The following HACE1 variants were observed in gnomAD, a reference collection of about 807,000 sequenced individuals.
HACE1 encodes the protein E3 ubiquitin-protein ligase HACE1.
A neutral mutation model predicts 118.4 loss-of-function variants in HACE1; 73 were observed. That is an observed-to-expected ratio of 0.62 (90% confidence interval 0.51 to 0.75). The LOEUF is 0.75. HACE1 is among the 30% of genes least tolerant of loss of function. The probability of loss-of-function intolerance (pLI) is 0.00; values close to 1 mark genes in which losing one functional copy is unlikely to be tolerated. For missense variants in HACE1, 749 were observed against 1,102.2 expected (o/e 0.68, Z 4.54); for synonymous variants, 368 against 374.8 (o/e 0.98, Z 0.21).
chr6:104,832,385 TTG>T (rs1420994651), intron 6 of HACE1, among the ~76,000 whole-genome samples: 19 of 45,092 alleles, frequency 4.2e-4, no homozygotes, highest in Non-Finnish European at 1.3e-3. Flanking sequence ...CTGTTTTTTG[TTG>T]TTGTTGTTGT....
Position 104,761,598 on chromosome 6 carries a change from C to T in HACE1, c.2211+9595G>A, listed in dbSNP as rs545441254. Among the ~76,000 whole-genome samples the T allele has an allele frequency of 2.0e-5, 3 of 152,158 alleles. No homozygotes were observed. In the South Asian group the frequency reaches 6.2e-4, roughly 32 times the overall value. ...AAGACCTAGGACCATAAAAATCCTG[C>T]AAGAAAACCTGGGCAATACCATTCA... On this transcript the variant is annotated intron_variant, in intron 19 of 23. Transcript: ENST00000262903.
At chr6:104,799,405 A>G (rs75570946) in intron 7 of HACE1, among the ~76,000 whole-genome samples, 8,371 of 152,284 alleles carry the variant, frequency 0.055, 237 homozygotes, top group South Asian at 0.077. Context: ...TTCCATATTC[A>G]GCCTACAAAA....
At chr6:104,759,764 T>C (rs1435503124) in intron 19 of HACE1, among the ~76,000 whole-genome samples, 3 of 152,088 alleles carry the variant, frequency 2.0e-5, no homozygotes, top group Non-Finnish European at 2.9e-5. Flanking sequence ...ATCCAGGAAC[T>C]AGTTTTTTGA....
rs71003447 is a variant in HACE1 at position 104,831,980 on chromosome 6, G to GAAGAGAAGAGAAGAGGAGGA, written c.534+1061_534+1062insTCCTCCTCTTCTCTTCTCTT. Among the ~76,000 whole-genome samples the GAAGAGAAGAGAAGAGGAGGA allele has an allele frequency of 7.3e-4, 46 of 62,928 alleles. 2 individuals are homozygous for GAAGAGAAGAGAAGAGGAGGA. Among genetic ancestry groups the GAAGAGAAGAGAAGAGGAGGA allele is most frequent in the Admixed American group, 2.5e-3 (14 of 5,528 alleles). The allele number at this position is 62,928 out of a possible 152,430, so 41.3% of individuals were successfully genotyped here. A position where few individuals can be genotyped will look rare whatever the true frequency, so the allele number is the denominator to read the frequency against. Reference sequence around the variant, plus strand: ...GAAGAGAAGAGAAGAGAAGAGAAGAGAGGAAGGAAGGAAGGAAGGAAGGAA... The same window carrying GAAGAGAAGAGAAGAGGAGGA: ...GAAGAGAAGAGAAGAGAAGAGAAGAGAAGAGAAGAGAAGAGGAGGAAGGAAGGAAGGAAGGAAGGAAGGAA... On this transcript the variant is annotated intron_variant, in intron 6 of 23. Coordinates refer to ENST00000262903, the MANE Select transcript of HACE1 (RefSeq NM_020771.4).
chr6:104,838,664 C>A (rs1306124828), intron 5 of HACE1, among the ~76,000 whole-genome samples: 1 of 151,814 alleles, frequency 6.6e-6, no homozygotes, highest in Admixed American at 6.6e-5. Context: ...GAGTAATACC[C>A]CTTGAGCAAA....
chr6:104,745,216 T>C (rs1042689044), intron 20 of HACE1, among the ~76,000 whole-genome samples: 1 of 152,196 alleles, frequency 6.6e-6, no homozygotes, highest in African/African-American at 2.4e-5. Context: ...AATGACTTGA[T>C]AGGTTTATTT....
chr6:104,847,644 G>A (rs371794502), intron 4 of HACE1, among the ~76,000 whole-genome samples: 53 of 152,006 alleles, frequency 3.5e-4, no homozygotes, highest in African/African-American at 1.2e-3. Context: ...ATTTGGCCTC[G>A]GATTGATGTA....
chr6:104,835,154 G>A (rs574528972), intron 5 of HACE1, among the ~76,000 whole-genome samples: 1 of 152,336 alleles, frequency 6.6e-6, no homozygotes, highest in South Asian at 2.1e-4. Context: ...ATCGACACTG[G>A]AAAGGTCTAA....
chr6:104,821,310 C>T (rs1461500327), intron 6 of HACE1, among the ~76,000 whole-genome samples: 1 of 151,882 alleles, frequency 6.6e-6, no homozygotes, highest in Admixed American at 6.6e-5. Context: ...TGTATCAAAC[C>T]TGTATTTGTA....
At position 104,811,392 on chromosome 6, in the gene HACE1, G is replaced by C. The variant is rs1458791297; in HGVS notation, c.536C>G (p.Thr179Arg). The C allele has an allele frequency of 7.0e-7, 1 of 1,425,554 alleles. No homozygotes were observed. The highest frequency in any genetic ancestry group is 9.9e-7 in the Non-Finnish European group (1 of 1,009,834). 88.3% of individuals were successfully genotyped at this position (1,425,554 alleles called of 1,614,324 possible). A position where few individuals can be genotyped will look rare whatever the true frequency, so the allele number is the denominator to read the frequency against. ...ACCACTGTCTAGCAAGCACTGCACT[G>C]TCTGAGGGGGAAAAAATAATTAAAA... Reference protein sequence around the residue: ...HVACQNGHKTTVQCLLDSGAD... With the variant: ...HVACQNGHKTRVQCLLDSGAD... The change falls in exon 7 of 24, where the codon ACA (threonine) becomes AGA (arginine). Residue 179 changes from threonine (T) to arginine (R), a missense_variant and splice_region_variant. This residue lies in a region of HACE1 where 267 missense variants were observed against 312.2 expected (regional missense o/e 0.86). Coordinates refer to ENST00000262903, the MANE Select transcript of HACE1 (RefSeq NM_020771.4).
chr6:104,794,308 T>C (rs1433523196), intron 10 of HACE1, among the ~76,000 whole-genome samples: 2 of 152,184 alleles, frequency 1.3e-5, no homozygotes, highest in Non-Finnish European at 2.9e-5. Context: ...GAAGTATATA[T>C]AATATGACAA....
chr6:104,847,438 C>T (rs1229948790), intron 4 of HACE1, among the ~76,000 whole-genome samples: 18 of 152,216 alleles, frequency 1.2e-4, no homozygotes, highest in Admixed American at 1.2e-3. Flanking sequence ...AGATATCTAA[C>T]ATGGCTAATT....
chr6:104,808,221 CA>C (rs1388436721), intron 7 of HACE1, among the ~76,000 whole-genome samples: 7 of 151,154 alleles, frequency 4.6e-5, no homozygotes, highest in Non-Finnish European at 3.0e-5. Context: ...TAGAATTAGA[CA>C]AGAAACAAAA....
In HACE1 at chr6:104,754,726, A is replaced by C. The variant is rs939194602; in HGVS notation, c.2212-4254T>G. On this transcript the variant is annotated intron_variant, in intron 19 of 23. Transcript: ENST00000262903. ...AGGAGAAATAAGATCCTTTTCAGAA[A>C]AGCAAATGCTGAGGGAATTTGTTAC... Among the ~76,000 whole-genome samples, 9 of 152,212 alleles carry C rather than the reference A, an allele frequency of 5.9e-5. No homozygotes were observed. The East Asian group carries it at 7.7e-4, about 13-fold the overall frequency.
In HACE1 at chr6:104,853,837, G is replaced by A. The variant is rs151227095; in HGVS notation, c.77-1466C>T. Among the ~76,000 whole-genome samples, 9 of 152,182 alleles carry A rather than the reference G, an allele frequency of 5.9e-5. No individual in the cohort carries two copies. The East Asian group carries it at 7.7e-4, about 13-fold the overall frequency. ...CGCAGGGGATACATTCCAAGACCCC[G>A]AGTCAATGCCTAAAACCATGGATAG... On this transcript the variant is annotated intron_variant, in intron 1 of 23. Transcript: ENST00000262903.
chr6:104,740,044 G>A (rs1220416180), intron 22 of HACE1, among the ~76,000 whole-genome samples: 1 of 151,968 alleles, frequency 6.6e-6, no homozygotes, highest in Non-Finnish European at 1.5e-5. Flanking sequence ...CATGGAAACT[G>A]AACAAGCTGC....
chr6:104,794,276 T>C (rs1160534775), intron 10 of HACE1, among the ~76,000 whole-genome samples: 1 of 152,176 alleles, frequency 6.6e-6, no homozygotes, highest in Admixed American at 6.5e-5. Flanking sequence ...CATCAAAACA[T>C]AAATGCTTTA....
chr6:104,799,692 AGAT>A (rs1218188779), intron 7 of HACE1, among the ~76,000 whole-genome samples: 2 of 152,210 alleles, frequency 1.3e-5, no homozygotes, highest in Non-Finnish European at 1.5e-5. Flanking sequence ...TGCTCTAGCA[AGAT>A]AAACAGAGAT....
chr6:104,771,211 A>T lies in HACE1; in HGVS notation c.2193T>A (p.Leu731=). ...VPLKPGGGSI[L]VTQNNKAEYV... is the part of the protein sequence containing the mutation. Reference sequence around the variant, plus strand: ...TACTCACTTTATTATTTTGTGTCACAAGAATACTCCCACCCCCAGGTTTCA... The same window carrying T: ...TACTCACTTTATTATTTTGTGTCACTAGAATACTCCCACCCCCAGGTTTCA... Residue 731 remains leucine, a synonymous_variant, in exon 19 of 24, where the codon CTT becomes CTA. Transcript: ENST00000262903. 6.2e-7 allele frequency: 1 copy of T among 1,611,814 alleles called. No individual in the cohort carries two copies. The highest frequency in any genetic ancestry group is 8.5e-7 in the Non-Finnish European group (1 of 1,177,876).
Sources: allele counts gnomAD v4.1 joint callset (sites outside exome capture counted in the v4.1 genomes callset), GRCh38; gene constraint gnomAD v4.1.1; regional missense constraint gnomAD v4.1.1; transcripts MANE v1.5; gene names NCBI Gene and HGNC (gene_info 2026-07-23, HGNC 2026-07-21).